Variants in USP9Y observed in about 807,000 individuals in gnomAD.
USP9Y encodes ubiquitin carboxyl-terminal hydrolase 9Y.
Under a neutral mutation model 53.1 loss-of-function variants are expected in USP9Y, and 41 were observed. That is an observed-to-expected ratio of 0.77 (90% CI 0.60 to 1.00). The LOEUF (loss-of-function observed/expected upper bound fraction) is 1.00. USP9Y is among the 50% of genes least tolerant of loss of function. USP9Y has a pLI of 0.00. For missense variants in USP9Y, 567 were observed against 535.8 expected, an observed-to-expected ratio of 1.06 and a Z score of -0.58; for synonymous variants, 220 against 173.7, an observed-to-expected ratio of 1.27 and a Z score of -2.09.
At position 12,739,569 on chromosome Y, in the gene USP9Y, A is replaced by G; in HGVS notation, c.1362A>G (p.Leu454=). 1 of 397,195 alleles carries G rather than the reference A, an allele frequency of 2.5e-6. No individual in the cohort carries two copies. Among genetic ancestry groups the G allele is most frequent in the Non-Finnish European group, 3.5e-6 (1 of 282,473 alleles). The change falls in exon 12 of 46, where the codon CTA becomes CTG. Residue 454 remains leucine (L), a synonymous_variant. Coordinates refer to ENST00000338981, the MANE Select transcript of USP9Y (RefSeq NM_004654.4). The part of the protein sequence containing the change: ...EAIVKNVHDL[L]AKLAWDFSPG... ...TTGTGAAGAATGTACATGATCTGCTAGCAAAGTTGGCTTGGGATTTTTCTC... is the reference window on the plus strand; with the variant it reads ...TTGTGAAGAATGTACATGATCTGCTGGCAAAGTTGGCTTGGGATTTTTCTC...
chrY:12,841,535 G>C, intron 37 of USP9Y, among the ~76,000 whole-genome samples: 4 of 32,234 alleles, frequency 1.2e-4, no homozygotes, highest in South Asian at 7.1e-4. Flanking sequence ...TCAACAAAAA[G>C]TTAAATTACC....
At chrY:12,757,073 C>T in intron 12 of USP9Y, 119 bp from the exon 13 acceptor site, 9 of 216,413 alleles carry the variant, frequency 4.2e-5, no homozygotes, top group Non-Finnish European at 7.0e-5. Flanking sequence ...TGTGTGTGTG[C>T]GCACACGCCC....
rs1041811691 is a variant in USP9Y at position 12,728,109 on chromosome Y, T to C, written c.657+1316T>C. ...AAATTTTGTCAAAGCTTTTTCGGCA[T>C]TGATGGCCATGATCATGTGATTTTT... On this transcript the variant is annotated intron_variant, in intron 7 of 45. Transcript: ENST00000338981. Among the ~76,000 whole-genome samples, 3 of 33,377 alleles carry C rather than the reference T, an allele frequency of 9.0e-5. No homozygotes were observed. The East Asian group carries it at 2.4e-3, about 26-fold the overall frequency. 89.5% of individuals were successfully genotyped at this position (33,377 alleles called of 37,273 possible). A position where few individuals can be genotyped will look rare whatever the true frequency, so the allele number is the denominator to read the frequency against.
chrY:12,755,553 G>C, intron 12 of USP9Y, among the ~76,000 whole-genome samples: 1 of 32,874 alleles, frequency 3.0e-5, no homozygotes, highest in African/African-American at 1.2e-4. Context: ...ATTCTCTTCT[G>C]TTTTTCATTT....
chrY:12,782,604 G>A, intron 22 of USP9Y, among the ~76,000 whole-genome samples: 4 of 33,576 alleles, frequency 1.2e-4, no homozygotes, highest in Admixed American at 2.7e-4. Context: ...GGGCACAGAC[G>A]AAGTAGATTT....
At chrY:12,704,901 G>C in intron 1 of USP9Y, among the ~76,000 whole-genome samples, 1 of 32,651 alleles carries the variant, frequency 3.1e-5, no homozygotes, top group Non-Finnish European at 7.6e-5. Context: ...GTAAGTAGTG[G>C]TGTCAGTTGT....
intron 27 of USP9Y, chrY:12,803,442 A>G (rs2053521095): frequency 3.0e-5 from 1 of 33,054 alleles, no homozygotes; most frequent in Non-Finnish European, 7.5e-5. Context: ...TACTAGCTCC[A>G]TATTCTTTGG....
intron 33 of USP9Y, among the ~76,000 whole-genome samples, chrY:12,821,631 CTTTTTT>C (rs373006912): frequency 4.1e-5 from 1 of 24,275 alleles, no homozygotes; most frequent in Non-Finnish European, 9.9e-5. Context: ...TTTACATTTT[CTTTTTT>C]TTTTTTTTTT....
chrY:12,738,100 C>T, intron 10 of USP9Y, 57 bp from the exon 11 acceptor site: 4 of 306,456 alleles, frequency 1.3e-5, no homozygotes, highest in South Asian at 4.0e-5. Context: ...GTTTTTATTT[C>T]GCTTTTTAAA....
At chrY:12,817,855 C>G in intron 32 of USP9Y, among the ~76,000 whole-genome samples, 1 of 33,298 alleles carries the variant, frequency 3.0e-5, no homozygotes, top group Non-Finnish European at 7.4e-5. Flanking sequence ...ATTTCTGTAT[C>G]ACAAATACCA....
Position 12,856,750 on chromosome Y carries a change from G to C in USP9Y, c.7339G>C (p.Val2447Leu). The change falls in exon 44 of 46, where the codon GTA becomes CTA. Residue 2447 changes from valine (V) to leucine (L), a missense_variant. Transcript: ENST00000338981. The part of the protein sequence containing the change: ...QYSYNNWSPP[V>L]QSNETANGYF... ...TAGTTACAACAATTGGTCTCCTCCA[G>C]TACAAAGCAATGAAACAGCAAATGG... The C allele has an allele frequency of 2.5e-6, 1 of 396,818 alleles. No individual in the cohort carries two copies. Among genetic ancestry groups the C allele is most frequent in the Middle Eastern group, 5.9e-4 (1 of 1,696 alleles).
intron 35 of USP9Y, among the ~76,000 whole-genome samples, chrY:12,839,230 A>G (rs2053558029): frequency 3.0e-5 from 1 of 33,580 alleles, no homozygotes; most frequent in African/African-American, 1.2e-4. Flanking sequence ...TCTGTTCATT[A>G]GCATAAAAGA....
At chrY:12,795,808 G>A in intron 27 of USP9Y, among the ~76,000 whole-genome samples, 2 of 33,020 alleles carry the variant, frequency 6.1e-5, no homozygotes, top group Admixed American at 5.5e-4. Context: ...TGGTTGCCAC[G>A]GTATTTGTAA....
Position 12,857,582 on chromosome Y carries a change from A to T in USP9Y, c.7451A>T (p.Asp2484Val). ...TAAAATTAGGAGCCAGATGACCAGGATGCCCCAGATGAGCATGAGCCCTCT... is the reference window on the plus strand; with the variant it reads ...TAAAATTAGGAGCCAGATGACCAGGTTGCCCCAGATGAGCATGAGCCCTCT... ...LCPEEEPDDQ[D>V]APDEHEPSPS... The change falls in exon 45 of 46, where the codon GAT (aspartate) becomes GTT (valine). Residue 2484 changes from aspartate to valine, a missense_variant. Asp to Val is a radical substitution (Grantham distance 152). Transcript: ENST00000338981. The T allele has an allele frequency of 2.6e-6, 1 of 386,112 alleles. No individual in the cohort carries two copies. Among genetic ancestry groups the T allele is most frequent in the Non-Finnish European group, 3.6e-6 (1 of 276,271 alleles).
intron 5 of USP9Y, among the ~76,000 whole-genome samples, chrY:12,722,952 C>T (rs2053437243): frequency 3.1e-5 from 1 of 31,810 alleles, no homozygotes; most frequent in Non-Finnish European, 7.7e-5. Context: ...CTGCAACCTC[C>T]GCCTCCTAGG....
chrY:12,780,577 T>A (rs775770441), intron 22 of USP9Y, among the ~76,000 whole-genome samples: 5 of 33,638 alleles, frequency 1.5e-4, no homozygotes, highest in Admixed American at 8.2e-4. Flanking sequence ...AGTAGTTTAT[T>A]ATTTGGTTGT....
At chrY:12,834,225 A>G (rs2053553183) in intron 34 of USP9Y, among the ~76,000 whole-genome samples, 2 of 33,061 alleles carry the variant, frequency 6.0e-5, no homozygotes, top group Non-Finnish European at 1.5e-4. Flanking sequence ...GTAGTAACCC[A>G]TTATTCATGG....
Position 12,812,934 on chromosome Y carries a change from C to T in USP9Y, c.4491C>T (p.Pro1497=), listed in dbSNP as rs2032605. The T allele has an allele frequency of 1.6e-3, 635 of 396,449 alleles. No homozygotes were observed. The East Asian group carries it at 0.053, about 33-fold the overall frequency. ...AGGCTATTCCAGTCTGTAGTTCACC[C>T]GTTACCATCAATGCCGGTTTTGAGC... is the stretch of plus-strand genomic sequence containing the variant. The part of the protein sequence containing the change: ...AEQAIPVCSS[P]VTINAGFELL... The change falls in exon 31 of 46, where the codon CCC becomes CCT. Residue 1497 remains proline, a synonymous_variant. Coordinates refer to ENST00000338981, the MANE Select transcript of USP9Y (RefSeq NM_004654.4).
At chrY:12,847,668 C>A (rs1603203990) in intron 42 of USP9Y, among the ~76,000 whole-genome samples, 2 of 26,090 alleles carry the variant, frequency 7.7e-5, no homozygotes, top group African/African-American at 3.2e-4. Flanking sequence ...TGATGTTCCC[C>A]GCCCTGTGTC....
Sources: allele counts gnomAD v4.1 joint callset (sites outside exome capture counted in the v4.1 genomes callset), GRCh38; gene constraint gnomAD v4.1.1; transcripts MANE v1.5; gene names NCBI Gene and HGNC (gene_info 2026-07-23, HGNC 2026-07-21).